The following TENM2 variants were observed in gnomAD, a reference collection of about 807,000 sequenced individuals.
The protein encoded by TENM2 is teneurin-2.
TENM2 carries 52 observed loss-of-function variants against 245.2 expected under a neutral mutation model. The observed-to-expected ratio is 0.21, with a 90% CI of 0.17 to 0.27. TENM2 has a LOEUF of 0.27. Among genes scored for constraint, TENM2 ranks in the 10% least tolerant of loss-of-function variants. TENM2 has a pLI of 1.00. For missense variants in TENM2, 3,046 were observed against 3,666.8 expected (o/e 0.83, Z 4.37); for synonymous variants, 1,363 against 1,438.9 (o/e 0.95, Z 1.19).
chr5:167,923,353 A>G (rs370171172), intron 3 of TENM2, among the ~76,000 whole-genome samples: 1 of 151,738 alleles, frequency 6.6e-6, no homozygotes, highest in East Asian at 1.9e-4. Context: ...GGAAGAGGTT[A>G]TAGAATGTTT....
chr5:167,981,380 AG>A (rs545315334), intron 4 of TENM2, among the ~76,000 whole-genome samples: 11 of 152,360 alleles, frequency 7.2e-5, no homozygotes, highest in Middle Eastern at 6.8e-3. Flanking sequence ...CTGGAAGAGA[AG>A]AGAAGCTTGG....
chr5:167,022,295 T>G, the TENM2 span, among the ~76,000 whole-genome samples: 1 of 152,212 alleles, frequency 6.6e-6, no homozygotes, highest in African/African-American at 2.4e-5. Context: ...AGGCAGGACT[T>G]TTTAAAAGTA....
the TENM2 span, among the ~76,000 whole-genome samples, chr5:167,051,680 G>A: frequency 6.6e-6 from 1 of 152,102 alleles, no homozygotes; most frequent in Admixed American, 6.6e-5. Context: ...ATTTGCATTG[G>A]CAGCTTTTTA....
intron 2 of TENM2, among the ~76,000 whole-genome samples, chr5:167,632,573 G>A (rs762733643): frequency 5.3e-5 from 8 of 152,222 alleles, no homozygotes; most frequent in East Asian, 1.9e-4. Flanking sequence ...TTTTTTACCC[G>A]TTAATTTCAA....
intron 2 of TENM2, among the ~76,000 whole-genome samples, chr5:167,551,033 C>T (rs1772907410): frequency 6.6e-6 from 1 of 152,026 alleles, no homozygotes; most frequent in South Asian, 2.1e-4. Flanking sequence ...CCAGCCATAA[C>T]CTTCTCATAT....
chr5:167,560,277 G>A (rs577360048), intron 2 of TENM2, among the ~76,000 whole-genome samples: 1 of 152,222 alleles, frequency 6.6e-6, no homozygotes, highest in Non-Finnish European at 1.5e-5. Context: ...AACCTCTTTA[G>A]TCTCTCTTAC....
chr5:167,559,567 C>A (rs1294966462), intron 2 of TENM2, among the ~76,000 whole-genome samples: 1 of 152,172 alleles, frequency 6.6e-6, no homozygotes, highest in African/African-American at 2.4e-5. Context: ...GTGATCTTCA[C>A]TGGATTAAAA....
At chr5:167,680,733 T>C (rs1188267890) in intron 2 of TENM2, among the ~76,000 whole-genome samples, 8 of 152,136 alleles carry the variant, frequency 5.3e-5, no homozygotes, top group Admixed American at 4.6e-4. Flanking sequence ...ATGGCAGGAC[T>C]TTGAGATAAA....
At chr5:167,728,085 T>C (rs1293079216) in intron 2 of TENM2, among the ~76,000 whole-genome samples, 1 of 152,102 alleles carries the variant, frequency 6.6e-6, no homozygotes. Flanking sequence ...GCTGAGTAGG[T>C]TGGTGGGAAC....
At chr5:167,391,568 T>C (rs956583378) in intron 2 of TENM2, among the ~76,000 whole-genome samples, 5 of 136,580 alleles carry the variant, frequency 3.7e-5, no homozygotes, top group Non-Finnish European at 7.6e-5. Flanking sequence ...GAGTTTGCAG[T>C]GAGCCAAGAT....
chr5:167,885,210 T>C (rs889105279), intron 3 of TENM2, among the ~76,000 whole-genome samples: 1 of 152,238 alleles, frequency 6.6e-6, no homozygotes, highest in African/African-American at 2.4e-5. Context: ...TGTCTTTTCA[T>C]TCTTTGATGG....
intron 2 of TENM2, among the ~76,000 whole-genome samples, chr5:167,766,362 T>A (rs1335993711): frequency 6.6e-6 from 1 of 152,142 alleles, no homozygotes; most frequent in African/African-American, 2.4e-5. Flanking sequence ...ATTAAAGAGA[T>A]TCCCGCAGTT....
intron 2 of TENM2, among the ~76,000 whole-genome samples, chr5:167,396,084 A>G (rs990614992): frequency 2.6e-5 from 4 of 152,268 alleles, no homozygotes; most frequent in African/African-American, 4.8e-5. Flanking sequence ...GAATTACCCT[A>G]TGATCTAGCA....
chr5:167,876,312 G>A lies in TENM2; in HGVS notation c.712+117G>A, dbSNP rs1862198. 0.81 allele frequency: 675,696 copies of A among 829,332 alleles called. 280,952 individuals carry two copies. The highest frequency in any genetic ancestry group is 0.99 in the East Asian group (36,976 of 37,484). 51.4% of individuals were successfully genotyped at this position (829,332 alleles called of 1,614,324 possible). A position where few individuals can be genotyped will look rare whatever the true frequency, so the allele number is the denominator to read the frequency against. On this transcript the variant is annotated intron_variant, in intron 3 of 28. Coordinates refer to ENST00000518659, the Ensembl canonical transcript of TENM2. ...GGGGAAGGTGGTGTGGGGAGCATCA[G>A]GGTGAAATGCATTTGTCATTTTGTG...
chr5:167,354,635 T>C (rs901358295), intron 1 of TENM2, among the ~76,000 whole-genome samples: 2 of 152,206 alleles, frequency 1.3e-5, no homozygotes, highest in South Asian at 4.1e-4. Flanking sequence ...AGAGAGTATA[T>C]AGCCTTTGAA....
At chr5:167,806,613 C>T (rs533488683) in intron 2 of TENM2, among the ~76,000 whole-genome samples, 34 of 152,168 alleles carry the variant, frequency 2.2e-4, no homozygotes, top group African/African-American at 7.7e-4. Context: ...AGATTCTTTT[C>T]CTACAGAGTC....
intron 2 of TENM2, among the ~76,000 whole-genome samples, chr5:167,568,869 T>C (rs1426140973): frequency 6.6e-6 from 1 of 152,072 alleles, no homozygotes; most frequent in African/African-American, 2.4e-5. Context: ...TTAATGCATT[T>C]ACTTAAAAAG....
chr5:167,591,105 A>G (rs751733317), intron 2 of TENM2, among the ~76,000 whole-genome samples: 6 of 152,192 alleles, frequency 3.9e-5, no homozygotes, highest in Non-Finnish European at 8.8e-5. Flanking sequence ...CTTCCCCACG[A>G]TAAAATTTTG....
intron 2 of TENM2, among the ~76,000 whole-genome samples, chr5:167,410,894 C>G (rs1340236543): frequency 6.6e-6 from 1 of 152,202 alleles, no homozygotes; most frequent in African/African-American, 2.4e-5. Flanking sequence ...TAAGCAGCTA[C>G]TCCTGCATGT....
Sources: allele counts gnomAD v4.1 joint callset (sites outside exome capture counted in the v4.1 genomes callset), GRCh38; gene constraint gnomAD v4.1.1; transcripts MANE v1.5; gene names NCBI Gene and HGNC (gene_info 2026-07-23, HGNC 2026-07-21).